Variants in TM4SF19 observed in about 807,000 individuals in gnomAD.
The protein encoded by TM4SF19 is transmembrane 4 L six family member 19, also known as transmembrane 4 L6 family member 19.
TM4SF19 carries 17 observed loss-of-function variants against 21.8 expected under a neutral mutation model. The ratio of observed to expected loss-of-function variants is 0.78; its 90% CI spans 0.53 to 1.17. The LOEUF is 1.17. TM4SF19 is among the 50% of genes most tolerant of loss of function. The pLI is 0.00. For missense variants in TM4SF19, 216 were observed against 252.1 expected (o/e 0.86, Z 0.97); for synonymous variants, 107 against 106.7 (o/e 1.00, Z -0.02).
chr3:196,324,693 G>A (rs66942309), intron 3 of TM4SF19: 144,263 of 479,852 alleles, frequency 0.3, 27,206 homozygotes, highest in East Asian at 0.82. Flanking sequence ...GGACCAAGAA[G>A]CAGAATCGCA....
rs908325848 is a variant in TM4SF19 at position 196,325,881 on chromosome 3, A to G, written c.279+1074T>C. On this transcript the variant is annotated intron_variant, in intron 3 of 4. Coordinates refer to ENST00000273695, the MANE Select transcript of TM4SF19 (RefSeq NM_138461.4). This position sits in a 1 kb window ranked among gnomAD's most constrained non-coding sequence, Gnocchi z 4.3. ...AGCCCTCCAGGTGATTCTCATGCAC[A>G]TTCAAGTGTCAGAACTACGTGCCAC... 2.6e-5 allele frequency among the ~76,000 whole-genome samples: 4 copies of G among 152,222 alleles called. No homozygotes were observed. The highest frequency in any genetic ancestry group is 4.4e-5 in the Non-Finnish European group (3 of 68,036).
In TM4SF19 at chr3:196,326,946, G is replaced by A. The variant is rs1177852844; in HGVS notation, c.279+9C>T. ...TCTGGGTGTTAGAAGAGTGGAATCT[G>A]GTGCTTACGCTTCGACAGAGCCCAC... On this transcript the variant is annotated intron_variant, in intron 3 of 4. Coordinates refer to ENST00000273695, the MANE Select transcript of TM4SF19 (RefSeq NM_138461.4). 3 of 1,605,162 alleles carry A rather than the reference G, an allele frequency of 1.9e-6. No homozygotes were observed. The South Asian group carries it at 3.3e-5, about 18-fold the overall frequency.
intron 1 of TM4SF19, among the ~76,000 whole-genome samples, chr3:196,334,091 A>G (rs928789510): frequency 2.0e-5 from 3 of 152,166 alleles, no homozygotes; most frequent in Non-Finnish European, 4.4e-5. Flanking sequence ...AAAAAGAATT[A>G]AACATAATGT....
At chr3:196,332,699 A>G (rs1266153026) in intron 1 of TM4SF19, among the ~76,000 whole-genome samples, 1 of 151,990 alleles carries the variant, frequency 6.6e-6, no homozygotes, top group Non-Finnish European at 1.5e-5. Context: ...CACAGATCAT[A>G]CCAAACTCTG....
At position 196,326,968 on chromosome 3, in the gene TM4SF19, C is replaced by T; in HGVS notation, c.266G>A (p.Gly89Glu). The T allele has an allele frequency of 1.9e-6, 3 of 1,611,084 alleles. No homozygotes were observed. Among genetic ancestry groups the T allele is most frequent in the Non-Finnish European group, 2.5e-6 (3 of 1,177,488 alleles). The change falls in exon 3 of 5, where the codon GGG becomes GAG. Residue 89 changes from glycine (G) to glutamate (E), a missense_variant. By Grantham distance (98) the Gly-to-Glu change is moderately conservative. Transcript: ENST00000273695. ...TCTGGTGCTTACGCTTCGACAGAGC[C>T]CACTCTTACTGAAGCAGCCGTATCT... ...GWRYGCFSKS[G>E]LCRSVLTALL...
chr3:196,334,705 C>T (rs1262276123), intron 1 of TM4SF19, among the ~76,000 whole-genome samples: 3 of 151,774 alleles, frequency 2.0e-5, no homozygotes, highest in Admixed American at 6.6e-5. Context: ...CCTCCTGCCT[C>T]GGTTTCCCAA....
chr3:196,327,707 G>A, intron 1 of TM4SF19, 116 bp from the exon 2 acceptor site: 1 of 827,448 alleles, frequency 1.2e-6, no homozygotes, highest in Non-Finnish European at 1.9e-6. Context: ...ACCTTCCAGG[G>A]TCAGACCAAT....
rs910686778 is a variant in TM4SF19, at chr3:196,325,064, G to C, written c.280-624C>G. On this transcript the variant is annotated intron_variant, in intron 3 of 4. Coordinates refer to ENST00000273695, the MANE Select transcript of TM4SF19 (RefSeq NM_138461.4). This position sits in a 1 kb window ranked among gnomAD's most constrained non-coding sequence, Gnocchi z 4.3. ...TCTGTCGCTGTGTTTCTCCAGCTGA[G>C]AGCTTTCTTGGCCATCAGTCTGTGC... 1 of 152,310 alleles carries C rather than the reference G, an allele frequency of 6.6e-6. No individual in the cohort carries two copies. Among genetic ancestry groups the C allele is most frequent in the African/African-American group, 2.4e-5 (1 of 41,454 alleles). The allele number at this position is 152,310 out of a possible 1,614,324, so 9.4% of individuals were successfully genotyped here.
chr3:196,334,221 C>T (rs757988070), intron 1 of TM4SF19, among the ~76,000 whole-genome samples: 14 of 152,202 alleles, frequency 9.2e-5, no homozygotes, highest in Non-Finnish European at 2.1e-4. Context: ...CCAATCCTGC[C>T]TTCTTTCTGG....
At position 196,327,528 on chromosome 3, in the gene TM4SF19, G is replaced by A. The variant is rs1284968635; in HGVS notation, c.63C>T (p.Ser21=). 4 of 1,614,106 alleles carry A rather than the reference G, an allele frequency of 2.5e-6. No individual in the cohort carries two copies. The highest frequency in any genetic ancestry group is 3.4e-6 in the Non-Finnish European group (4 of 1,180,040). Residue 21 remains serine (S), a synonymous_variant, in exon 2 of 5, where the codon AGC becomes AGT. Transcript: ENST00000273695. ...CAGCAAACAGGGCTGCAGTCCCAAG[G>A]CTCAGTCCCAGGATACGGGAGCAAG... ...SRTCSRILGL[S]LGTAALFAAG...
intron 1 of TM4SF19, among the ~76,000 whole-genome samples, chr3:196,330,193 G>A (rs1357411259): frequency 6.6e-6 from 1 of 151,928 alleles, no homozygotes; most frequent in Non-Finnish European, 1.5e-5. Flanking sequence ...ACCCCAGCTG[G>A]TCTTCAACTC....
In TM4SF19 at chr3:196,326,949, G is replaced by T. The variant is rs752092318; in HGVS notation, c.279+6C>A. 5.6e-6 allele frequency: 9 copies of T among 1,606,106 alleles called. No homozygotes were observed. The highest frequency in any genetic ancestry group is 7.7e-6 in the Non-Finnish European group (9 of 1,173,462). Reference sequence around the variant, plus strand: ...GGGTGTTAGAAGAGTGGAATCTGGTGCTTACGCTTCGACAGAGCCCACTCT... The same window carrying T: ...GGGTGTTAGAAGAGTGGAATCTGGTTCTTACGCTTCGACAGAGCCCACTCT... On this transcript the variant is annotated splice_donor_region_variant and intron_variant, in intron 3 of 4. Transcript: ENST00000273695.
At chr3:196,338,169 T>C (rs929036744) in intron 1 of TM4SF19, 95 bp downstream of exon 1, 5 of 152,380 alleles carry the variant, frequency 3.3e-5, no homozygotes, top group African/African-American at 1.2e-4. Context: ...GACGCCAAGC[T>C]GCAGAGCCAG....
At position 196,323,984 on chromosome 3, in the gene TM4SF19, C is replaced by A; in HGVS notation, c.463G>T (p.Asp155Tyr). The change falls in exon 5 of 5, where the codon GAC (aspartate) becomes TAC (tyrosine). Residue 155 changes from aspartate to tyrosine, a missense_variant. Asp to Tyr is a radical substitution (Grantham distance 160). Coordinates refer to ENST00000273695, the MANE Select transcript of TM4SF19 (RefSeq NM_138461.4). ...KDLHSRNYLY[D>Y]RSLWNSVCLE... is the part of the protein sequence containing the mutation. ...CAGACGGAGTTCCAGAGCGAACGGT[C>A]ATACAGATAATTCCTATCCCAAAAA... is the stretch of plus-strand genomic sequence containing the variant. 6.2e-7 allele frequency: 1 copy of A among 1,613,974 alleles called. No individual in the cohort carries two copies. Among genetic ancestry groups the A allele is most frequent in the South Asian group, 1.1e-5 (1 of 91,052 alleles).
intron 1 of TM4SF19, among the ~76,000 whole-genome samples, chr3:196,328,299 TAAAAA>T (rs554680176): frequency 2.1e-5 from 3 of 140,180 alleles, no homozygotes; most frequent in Non-Finnish European, 4.7e-5. Flanking sequence ...GACTCCATCT[TAAAAA>T]AAAAAAAAAG....
rs1413742344 is a variant in TM4SF19, at chr3:196,329,191, C to T, written c.-1-1600G>A. ...TCTCCTGACCTCGTGATCCGCCTGT[C>T]TCGGGCTCCCAAAGTGCTGGGATTA... On this transcript the variant is annotated intron_variant, in intron 1 of 4. Coordinates refer to ENST00000273695, the MANE Select transcript of TM4SF19 (RefSeq NM_138461.4). Among the ~76,000 whole-genome samples the T allele has an allele frequency of 9.5e-5, 12 of 126,882 alleles. 2 individuals carry two copies. The highest frequency in any genetic ancestry group is 2.6e-4 in the African/African-American group (10 of 37,870). 83.2% of individuals were successfully genotyped at this position (126,882 alleles called of 152,430 possible). A position where few individuals can be genotyped will look rare whatever the true frequency, so the allele number is the denominator to read the frequency against.
intron 4 of TM4SF19, 96 bp downstream of exon 4, chr3:196,324,175 T>G (rs887965406): frequency 1.3e-6 from 2 of 1,495,950 alleles, no homozygotes; most frequent in Non-Finnish European, 1.9e-6. Flanking sequence ...TGCTAGGATG[T>G]GTGACCCAAA....
rs1057149629 is a variant in TM4SF19, at chr3:196,323,862, G to C, written c.585C>G (p.Val195=). The C allele has an allele frequency of 6.2e-7, 1 of 1,614,062 alleles. No homozygotes were observed. Among genetic ancestry groups the C allele is most frequent in the Non-Finnish European group, 8.5e-7 (1 of 1,180,024 alleles). Residue 195 remains valine (V), a synonymous_variant, in exon 5 of 5, where the codon GTC becomes GTG. Coordinates refer to ENST00000273695, the MANE Select transcript of TM4SF19 (RefSeq NM_138461.4). The part of the protein sequence containing the change: ...LLQLLLVVVH[V]INSLLGLFCS... ...AGAAAAGGCCCAGGAGGCTGTTGAT[G>C]ACATGAACGACCACCAGGAGAAGCT...
chr3:196,333,421 C>T (rs1393925802), intron 1 of TM4SF19, among the ~76,000 whole-genome samples: 2 of 152,146 alleles, frequency 1.3e-5, no homozygotes, highest in Non-Finnish European at 2.9e-5. Context: ...ACAGTTATAA[C>T]AACATACTGT....
Sources: gnomAD v4.1 joint callset for allele counts (sites outside exome capture counted in the v4.1 genomes callset) on GRCh38, gnomAD v4.1.1 for gene constraint, Gnocchi (gnomAD v3.1) non-coding constraint, MANE v1.5 for transcripts, NCBI Gene and HGNC (gene_info 2026-07-23, HGNC 2026-07-21) for gene names.